The following AMZ2 variants were observed in gnomAD, a reference collection of about 807,000 sequenced individuals.
The protein encoded by AMZ2 is archaemetzincin-2.
AMZ2 carries 26 observed loss-of-function variants against 36.7 expected under a neutral mutation model. That is an observed-to-expected ratio of 0.71 (90% CI 0.52 to 0.98). The LOEUF is 0.98. AMZ2 is among the 50% of genes least tolerant of loss of function. The probability of loss-of-function intolerance (pLI) is 0.00; values close to 1 mark genes in which losing one functional copy is unlikely to be tolerated. For synonymous variants in AMZ2, 144 were observed against 149.1 expected (o/e 0.97, Z 0.25); for missense variants, 394 against 430.5 (o/e 0.92, Z 0.75).
At chr17:68,237,052 T>C (rs1232148720) in intron 1 of AMZ2, among the ~76,000 whole-genome samples, 2 of 152,246 alleles carry the variant, frequency 1.3e-5, no homozygotes, top group Non-Finnish European at 2.9e-5. Context: ...TAATATTTTA[T>C]TGTGAGAGCA....
At chr17:68,232,864 T>C (rs2073698514) in intron 1 of AMZ2, among the ~76,000 whole-genome samples, 2 of 152,182 alleles carry the variant, frequency 1.3e-5, no homozygotes, top group South Asian at 4.1e-4. Flanking sequence ...CTTTGTTCAT[T>C]CTCCTCAACA....
At chr17:68,254,916 G>C (rs1348862454) in intron 5 of AMZ2, among the ~76,000 whole-genome samples, 1 of 152,172 alleles carries the variant, frequency 6.6e-6, no homozygotes, top group Non-Finnish European at 1.5e-5. Flanking sequence ...GAGAACCTCT[G>C]CTCTGGCCTC....
At chr17:68,209,632 A>ATTTTTTT (rs1224207690) in intron 1 of AMZ2, among the ~76,000 whole-genome samples, 11 of 90,690 alleles carry the variant, frequency 1.2e-4, no homozygotes, top group Non-Finnish European at 2.0e-4. Flanking sequence ...ATATATATAT[A>ATTTTTTT]TTTTTTTTTT....
chr17:68,232,168 C>A lies in AMZ2; in HGVS notation c.-66-16472C>A, dbSNP rs116365645. Among the ~76,000 whole-genome samples the A allele has an allele frequency of 3.2e-3, 472 of 147,206 alleles. 5 individuals carry two copies. Among genetic ancestry groups the A allele is most frequent in the African/African-American group, 0.011 (443 of 40,218 alleles). ...GGTATATTTACAAAAACACTTCTAA[C>A]CTCTTGTAAGGTACCTTAAGAACGT... On this transcript the variant is annotated intron_variant, in intron 1 of 7. Transcript: ENST00000674770.
At position 68,248,254 on chromosome 17, in the gene AMZ2, G is replaced by C. The variant is rs1306506315; in HGVS notation, c.-452G>C. The C allele has an allele frequency of 2.0e-6, 2 of 985,856 alleles. No homozygotes were observed. Among genetic ancestry groups the C allele is most frequent in the African/African-American group, 3.5e-5 (2 of 57,258 alleles). 61.1% of individuals were successfully genotyped at this position (985,856 alleles called of 1,614,324 possible). ...GGACGTGGCGGAAGCCGCGGGGTCC[G>C]CGGGGTCGGTGCCTCTAGGGAGCCA... On this transcript the variant is annotated 5_prime_UTR_variant, in exon 1 of 7. Coordinates refer to ENST00000359904, the MANE Select transcript of AMZ2 (RefSeq NM_016627.5).
rs572346294 is a variant in AMZ2 at position 68,214,480 on chromosome 17, C to T, written c.-67+8242C>T. Among the ~76,000 whole-genome samples the T allele has an allele frequency of 5.3e-5, 8 of 152,288 alleles. No individual in the cohort carries two copies. In the South Asian group the frequency reaches 1.7e-3, roughly 32 times the overall value. ...CAGTTTTCTGTACAGTACCTTTCTT[C>T]ACAACTGAGCGTGGTTTCTCCCAGT... On this transcript the variant is annotated intron_variant, in intron 1 of 7. Transcript: ENST00000674770.
chr17:68,232,230 C>T (rs1421230839), intron 1 of AMZ2, among the ~76,000 whole-genome samples: 1 of 151,238 alleles, frequency 6.6e-6, no homozygotes. Flanking sequence ...GACGTGATGT[C>T]TCACGTCTAT....
chr17:68,247,879 G>C (rs1305081355), upstream of AMZ2: 12 of 985,548 alleles, frequency 1.2e-5, no homozygotes, highest in South Asian at 3.8e-4. Flanking sequence ...GGAAGAGGCG[G>C]GTCGCGGCCG....
chr17:68,206,386 T>G (rs1352835026), intron 1 of AMZ2: 93 of 827,360 alleles, frequency 1.1e-4, no homozygotes, highest in Admixed American at 1.5e-4. Flanking sequence ...GCACATCAAG[T>G]GGCAAAAAAC....
At chr17:68,225,383 G>A (rs1391954165) in intron 1 of AMZ2, among the ~76,000 whole-genome samples, 4 of 152,114 alleles carry the variant, frequency 2.6e-5, no homozygotes, top group Non-Finnish European at 5.9e-5. Context: ...AAATTCACAA[G>A]CACCCCACCC....
In AMZ2 at chr17:68,211,409, A is replaced by T. The variant is rs1235856666; in HGVS notation, c.-67+5171A>T. 2.0e-5 allele frequency among the ~76,000 whole-genome samples: 3 copies of T among 151,870 alleles called. No individual in the cohort carries two copies. In the East Asian group the frequency reaches 5.8e-4, roughly 29 times the overall value. On this transcript the variant is annotated intron_variant, in intron 1 of 7. Coordinates refer to the AMZ2 transcript ENST00000674770. ...TCCCAGCAACTCGGGAGGCTGAGGC[A>T]GGAGAATGGTGTGAACCTGGGAGGT...
Position 68,255,693 on chromosome 17 carries a change from C to T in AMZ2, c.751-7C>T. The T allele has an allele frequency of 6.2e-7, 1 of 1,612,642 alleles. No homozygotes were observed. Among genetic ancestry groups the T allele is most frequent in the Non-Finnish European group, 8.5e-7 (1 of 1,178,880 alleles). On this transcript the variant is annotated splice_polypyrimidine_tract_variant and splice_region_variant and intron_variant, in intron 5 of 6. Transcript: ENST00000359904. ...TCTTATAAAGCCTCAACATGATTGT[C>T]TTGCAGACTTTAACCCATGAGATCG...
rs782278515 is a variant in AMZ2, at chr17:68,233,265, T to C, written c.-66-15375T>C. 5.5e-4 allele frequency among the ~76,000 whole-genome samples: 83 copies of C among 152,134 alleles called. 1 individual carries two copies. Among genetic ancestry groups the C allele is most frequent in the Non-Finnish European group, 1.6e-4 (11 of 68,030 alleles). ...GGCTCACGCCTGTAATCCCAGCACTTTGGGAGGCTGAGGCAAGTGAATCAC... is the reference window on the plus strand; with the variant it reads ...GGCTCACGCCTGTAATCCCAGCACTCTGGGAGGCTGAGGCAAGTGAATCAC... On this transcript the variant is annotated intron_variant, in intron 1 of 7. Transcript: ENST00000674770.
In AMZ2 at chr17:68,248,118, C is replaced by T. The variant is rs1568371239; in HGVS notation, c.-588C>T. Reference sequence around the variant, plus strand: ...GGTATCGAGGCCTGTCGGGTCAGGGCGGTTCGCGGGTGCTGTCAGAGCTGG... The same window carrying T: ...GGTATCGAGGCCTGTCGGGTCAGGGTGGTTCGCGGGTGCTGTCAGAGCTGG... On this transcript the variant is annotated 5_prime_UTR_variant, in exon 1 of 7. Transcript: ENST00000359904. 60 of 986,416 alleles carry T rather than the reference C, an allele frequency of 6.1e-5. No homozygotes were observed. Among genetic ancestry groups the T allele is most frequent in the Non-Finnish European group, 7.2e-5 (60 of 830,632 alleles). 61.1% of individuals were successfully genotyped at this position (986,416 alleles called of 1,614,324 possible). A position where few individuals can be genotyped will look rare whatever the true frequency, so the allele number is the denominator to read the frequency against.
At chr17:68,220,239 T>C (rs2073312157) in intron 1 of AMZ2, among the ~76,000 whole-genome samples, 1 of 152,222 alleles carries the variant, frequency 6.6e-6, no homozygotes, top group Admixed American at 6.5e-5. Flanking sequence ...ACAAAGAGCA[T>C]TGGTTACTTT....
intron 1 of AMZ2, among the ~76,000 whole-genome samples, chr17:68,213,413 T>C (rs1284845832): frequency 2.6e-5 from 4 of 152,234 alleles, no homozygotes; most frequent in African/African-American, 9.6e-5. Context: ...CAAAGCCCTC[T>C]TCCAGTTCTT....
At chr17:68,219,043 C>A (rs1252546768) in intron 1 of AMZ2, among the ~76,000 whole-genome samples, 1 of 152,036 alleles carries the variant, frequency 6.6e-6, no homozygotes, top group African/African-American at 2.4e-5. Context: ...AGTGCAGTGG[C>A]CCAATCTCGG....
At chr17:68,207,959 C>G (rs1305565625) in intron 1 of AMZ2, among the ~76,000 whole-genome samples, 2 of 151,964 alleles carry the variant, frequency 1.3e-5, no homozygotes, top group Non-Finnish European at 2.9e-5. Flanking sequence ...GAGCAGCCGG[C>G]AGGCCCCGCC....
chr17:68,221,834 T>G (rs1325690617), intron 1 of AMZ2, among the ~76,000 whole-genome samples: 1 of 152,134 alleles, frequency 6.6e-6, no homozygotes, highest in Non-Finnish European at 1.5e-5. Context: ...GTGGTTGCCA[T>G]GAGCTGAGTT....
Sources: gnomAD v4.1 joint callset for allele counts (sites outside exome capture counted in the v4.1 genomes callset) on GRCh38, gnomAD v4.1.1 for gene constraint, MANE v1.5 for transcripts, NCBI Gene and HGNC (gene_info 2026-07-23, HGNC 2026-07-21) for gene names.